The following CLSTN2 variants were observed in gnomAD, a reference collection of about 807,000 sequenced individuals.
CLSTN2 encodes the protein calsyntenin 2, also known as calsyntenin-2.
Under a neutral mutation model 101.2 loss-of-function variants are expected in CLSTN2, and 48 were observed. The observed-to-expected ratio is 0.47, with a 90% CI of 0.38 to 0.60. CLSTN2 has a LOEUF of 0.60. CLSTN2 is among the 20% of genes least tolerant of loss of function. The pLI, the probability that CLSTN2 is intolerant of heterozygous loss-of-function variation, is 0.00. For synonymous variants in CLSTN2, 481 were observed against 463.6 expected (o/e 1.04, Z -0.48); for missense variants, 1,160 against 1,238.2 (o/e 0.94, Z 0.95).
rs185633531 is a variant in CLSTN2 at position 140,449,671 on chromosome 3, A to T, written c.973+967A>T. On this transcript the variant is annotated intron_variant, in intron 6 of 16. Coordinates refer to ENST00000458420, the MANE Select transcript of CLSTN2 (RefSeq NM_022131.3). Reference sequence around the variant, plus strand: ...TATCATTTAGCATGGAAATAAGATTATCATGAAGACTGAGGTCTTTTTGAA... The same window carrying T: ...TATCATTTAGCATGGAAATAAGATTTTCATGAAGACTGAGGTCTTTTTGAA... The T allele has an allele frequency of 2.0e-5, 3 of 152,296 alleles. No homozygotes were observed. In the East Asian group the frequency reaches 5.8e-4, roughly 29 times the overall value. The allele number at this position is 152,296 out of a possible 1,614,324, so 9.4% of individuals were successfully genotyped here.
chr3:140,399,947 C>T (rs2088222042), intron 2 of CLSTN2, among the ~76,000 whole-genome samples: 1 of 151,516 alleles, frequency 6.6e-6, no homozygotes, highest in South Asian at 2.1e-4. Context: ...CTTTGGGTTA[C>T]TGATAGCAAG....
chr3:140,190,438 C>CAAAAAAAAAA (rs35206840), intron 2 of CLSTN2, among the ~76,000 whole-genome samples: 1 of 82,940 alleles, frequency 1.2e-5, no homozygotes, highest in African/African-American at 4.0e-5. Context: ...TCTATAGCTA[C>CAAAAAAAAAA]AAAAAAAAAA....
At chr3:140,089,971 CT>C (rs58418539) in intron 1 of CLSTN2, among the ~76,000 whole-genome samples, 4,038 of 49,556 alleles carry the variant, frequency 0.081, 49 homozygotes, top group Non-Finnish European at 0.092. Context: ...CTAGGATTGG[CT>C]TTTTTTTTTT....
chr3:140,137,695 A>G (rs912212827), intron 1 of CLSTN2, among the ~76,000 whole-genome samples: 3 of 152,214 alleles, frequency 2.0e-5, no homozygotes, highest in East Asian at 3.9e-4. Context: ...TAATATTTAC[A>G]TAATGCTTTG....
chr3:140,193,808 A>G lies in CLSTN2; in HGVS notation c.232+17735A>G, dbSNP rs1487719165. The stretch of plus-strand genomic sequence containing the variant: ...TTTGTTATAGTTCCATAGGTTCCTG[A>G]GGCTCTGTATTTTGTAAGTCTGTTT... On this transcript the variant is annotated intron_variant, in intron 2 of 16. Coordinates refer to ENST00000458420, the MANE Select transcript of CLSTN2 (RefSeq NM_022131.3). Among the ~76,000 whole-genome samples the G allele has an allele frequency of 2.0e-5, 3 of 151,948 alleles. No homozygotes were observed. The South Asian group carries it at 6.2e-4, about 31-fold the overall frequency.
At chr3:140,343,223 G>A (rs1406834064) in intron 2 of CLSTN2, among the ~76,000 whole-genome samples, 2 of 152,164 alleles carry the variant, frequency 1.3e-5, no homozygotes, top group Admixed American at 1.3e-4. Context: ...AGAGTGCCCT[G>A]AAAGAGTGAA....
At chr3:140,201,811 T>C (rs546747634) in intron 2 of CLSTN2, among the ~76,000 whole-genome samples, 1 of 151,660 alleles carries the variant, frequency 6.6e-6, no homozygotes, top group Non-Finnish European at 1.5e-5. Context: ...CACATGTATA[T>C]GTGTGTGTGT....
intron 2 of CLSTN2, among the ~76,000 whole-genome samples, chr3:140,321,801 C>T (rs1031989150): frequency 3.3e-5 from 5 of 152,178 alleles, no homozygotes; most frequent in African/African-American, 4.8e-5. Context: ...ATACGCTTTT[C>T]CCCCATTTCT....
At chr3:140,144,832 T>A (rs542276561) in intron 1 of CLSTN2, among the ~76,000 whole-genome samples, 1 of 152,282 alleles carries the variant, frequency 6.6e-6, no homozygotes, top group South Asian at 2.1e-4. Context: ...GGCTGCACAT[T>A]CTTCACCTCT....
intron 1 of CLSTN2, among the ~76,000 whole-genome samples, chr3:140,016,131 A>G (rs1424662536): frequency 6.6e-6 from 1 of 152,138 alleles, no homozygotes; most frequent in African/African-American, 2.4e-5. Context: ...GTGCAGAGGC[A>G]TGGCTGTGGG....
intron 1 of CLSTN2, among the ~76,000 whole-genome samples, chr3:140,140,549 A>G (rs1205626532): frequency 2.0e-5 from 3 of 152,146 alleles, no homozygotes; most frequent in African/African-American, 7.2e-5. Flanking sequence ...ACCTCCTACT[A>G]GGCCCCACCT....
At chr3:140,066,941 A>G (rs981345598) in intron 1 of CLSTN2, among the ~76,000 whole-genome samples, 1 of 152,148 alleles carries the variant, frequency 6.6e-6, no homozygotes, top group African/African-American at 2.4e-5. Context: ...GTAATTTATC[A>G]TTGGTGTATT....
chr3:140,375,517 C>T (rs572242729), intron 2 of CLSTN2, among the ~76,000 whole-genome samples: 27 of 152,176 alleles, frequency 1.8e-4, no homozygotes, highest in Middle Eastern at 3.2e-3. Flanking sequence ...TTTTATTGCC[C>T]AATTACCCTA....
At chr3:140,289,997 C>G (rs1043984170) in intron 2 of CLSTN2, among the ~76,000 whole-genome samples, 1 of 150,262 alleles carries the variant, frequency 6.7e-6, no homozygotes, top group Non-Finnish European at 1.5e-5. Context: ...GATCAGCCTA[C>G]TAGATGCTGA....
intron 1 of CLSTN2, among the ~76,000 whole-genome samples, chr3:140,073,980 G>A (rs753766475): frequency 1.1e-4 from 17 of 152,168 alleles, no homozygotes; most frequent in Non-Finnish European, 2.5e-4. Flanking sequence ...AGGCTGAAGA[G>A]CATGATGCCT....
intron 2 of CLSTN2, among the ~76,000 whole-genome samples, chr3:140,240,174 C>CTCTCTCTCTCTATATA (rs1311225528): frequency 6.0e-4 from 8 of 13,338 alleles, no homozygotes; most frequent in South Asian, 4.4e-3. Context: ...CTCTCTCTCT[C>CTCTCTCTCTCTATATA]TATATATATA....
rs138919211 is a variant in CLSTN2, at chr3:140,184,714, T to A, written c.232+8641T>A. ...TGCAATCATTTCATCACAGCTTAAC[T>A]GTAGGTCAAAATTATTCATACCCCT... On this transcript the variant is annotated intron_variant, in intron 2 of 16. Transcript: ENST00000458420. 4.2e-3 allele frequency among the ~76,000 whole-genome samples: 635 copies of A among 152,222 alleles called. 9 individuals are homozygous for A. Among genetic ancestry groups the A allele is most frequent in the African/African-American group, 0.015 (606 of 41,544 alleles).
rs145283281 is a variant in CLSTN2, at chr3:140,484,668, T to G, written c.1344+17937T>G. 7.2e-3 allele frequency among the ~76,000 whole-genome samples: 1,089 copies of G among 152,304 alleles called. 9 individuals carry two copies. Among genetic ancestry groups the G allele is most frequent in the African/African-American group, 0.025 (1,036 of 41,566 alleles). ...CTTGGAGGCTTTGTTCATTTCCTTT[T>G]ATTCTTTTTTCTCTAAAGTTCTCTT... On this transcript the variant is annotated intron_variant, in intron 8 of 16. Coordinates refer to ENST00000458420, the MANE Select transcript of CLSTN2 (RefSeq NM_022131.3).
intron 1 of CLSTN2, among the ~76,000 whole-genome samples, chr3:140,090,015 A>T (rs1226251050): frequency 1.1e-5 from 1 of 91,776 alleles, no homozygotes; most frequent in Non-Finnish European, 2.0e-5. Context: ...GACTGAGTAT[A>T]TATTGGTTTT....
Sources: gnomAD v4.1 joint callset for allele counts (sites outside exome capture counted in the v4.1 genomes callset) on GRCh38, gnomAD v4.1.1 for gene constraint, MANE v1.5 for transcripts, NCBI Gene and HGNC (gene_info 2026-07-23, HGNC 2026-07-21) for gene names.